The following SHPRH variants were observed in gnomAD, a reference collection of about 807,000 sequenced individuals.
SHPRH encodes the protein SNF2 histone linker PHD RING helicase.
A neutral mutation model predicts 202.5 loss-of-function variants in SHPRH; 106 were observed. That is an observed-to-expected ratio of 0.52 (90% CI 0.45 to 0.62). The LOEUF (loss-of-function observed/expected upper bound fraction) is 0.62, where lower values mean the gene tolerates loss of function less well. SHPRH is among the 20% of genes least tolerant of loss of function. SHPRH has a pLI of 0.00. For missense variants in SHPRH, 1,710 were observed against 2,020.0 expected, an observed-to-expected ratio of 0.85 and a Z score of 2.94; for synonymous variants, 729 against 686.0, an observed-to-expected ratio of 1.06 and a Z score of -0.98.
intron 2 of SHPRH, among the ~76,000 whole-genome samples, chr6:145,874,905 G>T (rs1432116026): frequency 6.6e-6 from 1 of 152,186 alleles, no homozygotes; most frequent in Non-Finnish European, 1.5e-5. Flanking sequence ...CACAGAGCTT[G>T]AATAAATGAA....
At chr6:145,949,687 T>C (rs1330986814) in intron 4 of SHPRH, among the ~76,000 whole-genome samples, 1 of 152,020 alleles carries the variant, frequency 6.6e-6, no homozygotes, top group Non-Finnish European at 1.5e-5. Context: ...AATTCATCCA[T>C]GTAACCAAAA....
In SHPRH at chr6:145,910,585, T is replaced by C; in HGVS notation, c.4378A>G (p.Ile1460Val). The change falls in exon 25 of 30, where the codon ATT becomes GTT. Residue 1460 changes from isoleucine (I) to valine (V), a missense_variant. Physicochemically the swap from Ile to Val is conservative, Grantham distance 29 (BLOSUM62 3). Transcript: ENST00000275233. ...GATCCCACGCTGTATTGTTCAATAA[T>C]TATAGAAATGCATTCATTACAGAAA... ...HCFCNECISI[I>V]IEQYSVGSHR... The C allele has an allele frequency of 6.2e-7, 1 of 1,612,764 alleles. No homozygotes were observed. The highest frequency in any genetic ancestry group is 8.5e-7 in the Non-Finnish European group (1 of 1,179,456).
At chr6:145,947,453 T>C (rs755679201) in intron 6 of SHPRH, 40 bp downstream of exon 6, 5 of 1,600,536 alleles carry the variant, frequency 3.1e-6, no homozygotes, top group Admixed American at 3.5e-5. Flanking sequence ...TTCGAGAACA[T>C]ATGTCCCCTG....
intron 1 of SHPRH, among the ~76,000 whole-genome samples, chr6:145,961,196 G>C (rs965014857): frequency 1.3e-5 from 2 of 152,120 alleles, no homozygotes; most frequent in African/African-American, 2.4e-5. Context: ...TCGCAGGATG[G>C]GGGACCACAG....
chr6:145,943,150 CG>C lies in SHPRH; in HGVS notation c.2230del (p.Arg744GlufsTer8). 6.3e-7 allele frequency: 1 copy of C among 1,589,630 alleles called. No individual in the cohort carries two copies. Among genetic ancestry groups the C allele is most frequent in the Non-Finnish European group, 8.6e-7 (1 of 1,166,558 alleles). On this transcript the variant is annotated frameshift_variant, in exon 9 of 30. Coordinates refer to ENST00000275233, the MANE Select transcript of SHPRH (RefSeq NM_001042683.3). LOFTEE classifies it high-confidence loss of function. Reference protein sequence around the residue: ...INRHVRSSSLRVLVYQGVKKD... With the variant: ...INRHVRSSSLXVLVYQGVKKD... Reference sequence around the variant, plus strand: ...TAGTCCAAGTGGCCTTACCAAGACTCGAAGAGATGACGACCTCACATGCCTG... The same window carrying C: ...TAGTCCAAGTGGCCTTACCAAGACTCAAGAGATGACGACCTCACATGCCTG...
chr6:145,911,086 A>G (rs1440344001), intron 24 of SHPRH, among the ~76,000 whole-genome samples: 1 of 152,158 alleles, frequency 6.6e-6, no homozygotes, highest in Non-Finnish European at 1.5e-5. Flanking sequence ...TATTTTGAAA[A>G]TGGTTCTGGT....
chr6:145,928,825 C>G (rs1785140614), intron 14 of SHPRH, among the ~76,000 whole-genome samples: 1 of 151,778 alleles, frequency 6.6e-6, no homozygotes, highest in African/African-American at 2.4e-5. Flanking sequence ...CTGTAGTCAG[C>G]CAATTTCTAT....
chr6:145,933,299 G>C lies in SHPRH; in HGVS notation c.2991-121C>G, dbSNP rs187993494. 2.9e-4 allele frequency: 412 copies of C among 1,432,716 alleles called. 2 individuals are homozygous for C. The African/African-American group carries it at 4.7e-3, about 16-fold the overall frequency. 88.8% of individuals were successfully genotyped at this position (1,432,716 alleles called of 1,614,324 possible). On this transcript the variant is annotated intron_variant, in intron 13 of 29. Transcript: ENST00000275233. ...ACTCGCAGTTTTTGTGGTATCTCTA[G>C]CATTTTTTTTCGCCTCAATTTTTAC...
In SHPRH at chr6:145,879,326, C is replaced by T. The variant is rs370078611; in HGVS notation, c.221+8694G>A. ...ACTTTAAAAAAAAAGAAAATAACACCCCCCATTCCTCCTTGTATTTCTTAG... is the reference window on the plus strand; with the variant it reads ...ACTTTAAAAAAAAAGAAAATAACACTCCCCATTCCTCCTTGTATTTCTTAG... On this transcript the variant is annotated intron_variant, in intron 2 of 2. Transcript: ENST00000417762. 9.9e-5 allele frequency among the ~76,000 whole-genome samples: 15 copies of T among 151,972 alleles called. 1 individual carries two copies. Among genetic ancestry groups the T allele is most frequent in the African/African-American group, 3.6e-4 (15 of 41,460 alleles).
chr6:145,882,139 T>G (rs1349686513), downstream of SHPRH, among the ~76,000 whole-genome samples: 1 of 152,074 alleles, frequency 6.6e-6, no homozygotes, highest in African/African-American at 2.4e-5. Flanking sequence ...TTATCTTGCT[T>G]GAAAGGCCAA....
At chr6:145,939,061 T>C (rs919570729) in intron 11 of SHPRH, among the ~76,000 whole-genome samples, 11 of 152,140 alleles carry the variant, frequency 7.2e-5, no homozygotes, top group African/African-American at 2.2e-4. Flanking sequence ...ATGGCCAATG[T>C]TGAGAAACCC....
intron 1 of SHPRH, among the ~76,000 whole-genome samples, chr6:145,958,976 G>A (rs1788789398): frequency 1.3e-5 from 2 of 152,184 alleles, no homozygotes; most frequent in South Asian, 4.2e-4. Context: ...GGGACTACAG[G>A]CGCCTGCCAC....
Position 145,952,480 on chromosome 6 carries a change from TA to T in SHPRH, c.634-3del. On this transcript the variant is annotated splice_region_variant and splice_polypyrimidine_tract_variant and intron_variant, in intron 2 of 29. Transcript: ENST00000275233. ...AGCTTCCAAAAGATAAATTCCAACC[TA>T]AAAACAATTAATCAAAATAAAAGTA... 1 of 1,599,434 alleles carries T rather than the reference TA, an allele frequency of 6.3e-7. No individual in the cohort carries two copies. Among genetic ancestry groups the T allele is most frequent in the South Asian group, 1.1e-5 (1 of 87,842 alleles).
Position 145,927,178 on chromosome 6 carries a change from T to C in SHPRH, c.3201+11A>G. 1.2e-6 allele frequency: 2 copies of C among 1,609,180 alleles called. No individual in the cohort carries two copies. The highest frequency in any genetic ancestry group is 1.7e-6 in the Non-Finnish European group (2 of 1,176,604). ...ACAGAATACCTATGAAACTGTTTAG[T>C]CTTTACTTACTTGAAGTGAATCAGT... On this transcript the variant is annotated intron_variant, in intron 15 of 29. Coordinates refer to ENST00000275233, the MANE Select transcript of SHPRH (RefSeq NM_001042683.3).
rs1333727271 is a variant in SHPRH, at chr6:145,964,336, C to T, written c.-638G>A. On this transcript the variant is annotated 5_prime_UTR_variant, in exon 1 of 30. Coordinates refer to ENST00000275233, the MANE Select transcript of SHPRH (RefSeq NM_001042683.3). ...GAGACCCAGAAACCACAGCGCCTAG[C>T]TGCCGGGCGCGCGCTGTAGCGTGGG... The T allele has an allele frequency of 1.3e-5, 2 of 152,284 alleles. No homozygotes were observed. Among genetic ancestry groups the T allele is most frequent in the Non-Finnish European group, 2.9e-5 (2 of 68,102 alleles). The allele number at this position is 152,284 out of a possible 1,614,324, so 9.4% of individuals were successfully genotyped here.
intron 11 of SHPRH, among the ~76,000 whole-genome samples, chr6:145,939,219 G>A (rs1372461208): frequency 6.6e-6 from 1 of 152,144 alleles, no homozygotes; most frequent in African/African-American, 2.4e-5. Context: ...ATATGGAAGT[G>A]AGGAAGAAAG....
chr6:145,881,667 G>C (rs140284475), downstream of SHPRH: 1 of 152,320 alleles, frequency 6.6e-6, no homozygotes, highest in Non-Finnish European at 1.5e-5. Flanking sequence ...ACTGACTCCA[G>C]TTAGGAATGC....
rs372308317 is a variant in SHPRH, at chr6:145,927,141, T to C, written c.3201+48A>G. 7.1e-6 allele frequency: 11 copies of C among 1,541,950 alleles called. No individual in the cohort carries two copies. The African/African-American group carries it at 1.4e-4, about 19-fold the overall frequency. ...TTAAACATTCAGAAAAATTATTTTG[T>C]TAAAAAAACAAACAGAATACCTATG... is the stretch of plus-strand genomic sequence containing the variant. On this transcript the variant is annotated intron_variant, in intron 15 of 29. Transcript: ENST00000275233.
At position 145,941,686 on chromosome 6, in the gene SHPRH, T is replaced by C. The variant is rs1562352079; in HGVS notation, c.2427A>G (p.Val809=). The C allele has an allele frequency of 3.1e-6, 5 of 1,614,042 alleles. No homozygotes were observed. The highest frequency in any genetic ancestry group is 3.4e-6 in the Non-Finnish European group (4 of 1,179,962). The change falls in exon 10 of 30, where the codon GTA becomes GTG. Residue 809 remains valine, a synonymous_variant. Coordinates refer to ENST00000275233, the MANE Select transcript of SHPRH (RefSeq NM_001042683.3). ...GGCAGATCCTCCACCACTCCACAGC[T>C]ACCAGGGGGCTCGGGATAGCCATAT... ...KRYMAIPSPL[V]AVEWWRICLD...
Sources: gnomAD v4.1 joint callset for allele counts (sites outside exome capture counted in the v4.1 genomes callset) on GRCh38, gnomAD v4.1.1 for gene constraint, MANE v1.5 for transcripts, NCBI Gene and HGNC (gene_info 2026-07-23, HGNC 2026-07-21) for gene names.